THSD7A: variants seen among roughly 807,000 people sequenced by gnomAD.
THSD7A encodes the protein thrombospondin type-1 domain-containing protein 7A.
A neutral mutation model predicts 231.3 loss-of-function variants in THSD7A; 96 were observed. The ratio of observed to expected loss-of-function variants is 0.41; its 90% CI spans 0.35 to 0.49. The LOEUF (loss-of-function observed/expected upper bound fraction) is 0.49. Among genes scored for constraint, THSD7A ranks in the 20% least tolerant of loss-of-function variants. The probability of loss-of-function intolerance (pLI) is 0.05; values close to 1 mark genes in which losing one functional copy is unlikely to be tolerated. For synonymous variants in THSD7A, 940 were observed against 743.3 expected (o/e 1.26, Z -4.30); for missense variants, 2,290 against 2,070.2 (o/e 1.11, Z -2.06).
intron 1 of THSD7A, among the ~76,000 whole-genome samples, chr7:11,672,526 C>T (rs1783434939): frequency 6.6e-6 from 1 of 151,792 alleles, no homozygotes; most frequent in Admixed American, 6.6e-5. Context: ...ACATGTTTTG[C>T]ATATTTATGT....
chr7:11,720,052 C>T (rs773197763), intron 1 of THSD7A, among the ~76,000 whole-genome samples: 2 of 151,666 alleles, frequency 1.3e-5, no homozygotes, highest in Non-Finnish European at 2.9e-5. Context: ...GGCATGACTG[C>T]AAATAAGCAT....
chr7:11,594,824 GT>G (rs1780300734), intron 2 of THSD7A, among the ~76,000 whole-genome samples: 1 of 152,188 alleles, frequency 6.6e-6, no homozygotes, highest in African/African-American at 2.4e-5. Flanking sequence ...TATCATGTGA[GT>G]GGGTCATCTG....
intron 1 of THSD7A, among the ~76,000 whole-genome samples, chr7:11,653,448 ATGTGTGTGTGTGTG>A (rs60933989): frequency 2.7e-3 from 348 of 127,118 alleles, no homozygotes; most frequent in Middle Eastern, 0.013. Flanking sequence ...ACTCCCAGAT[ATGTGTGTGTGTGTG>A]TGTGTGTGTG....
chr7:11,570,592 C>T (rs1028530226), intron 4 of THSD7A, among the ~76,000 whole-genome samples: 5 of 152,204 alleles, frequency 3.3e-5, no homozygotes, highest in Non-Finnish European at 7.3e-5. Flanking sequence ...CAAAACATCA[C>T]AGTACCACAT....
At chr7:11,769,153 A>ATATTTTTTTTTTTTTTT in intron 1 of THSD7A, among the ~76,000 whole-genome samples, 2 of 27,662 alleles carry the variant, frequency 7.2e-5, no homozygotes, top group African/African-American at 1.2e-4. Context: ...ATATATATAT[A>ATATTTTTTTTTTTTTTT]TTTTTTTTTT....
chr7:11,493,391 C>A (rs1417286174), intron 6 of THSD7A, among the ~76,000 whole-genome samples: 1 of 152,104 alleles, frequency 6.6e-6, no homozygotes, highest in Non-Finnish European at 1.5e-5. Flanking sequence ...GTCTAGCTCA[C>A]ACGTTTCAAA....
intron 17 of THSD7A, 143 bp from the exon 18 acceptor site, chr7:11,412,943 T>C (rs984130476): frequency 4.9e-6 from 4 of 810,404 alleles, no homozygotes; most frequent in African/African-American, 1.7e-5. Flanking sequence ...TATGCCTCAG[T>C]TGTTCAATGT....
rs550545688 is a variant in THSD7A, at chr7:11,542,051, T to C, written c.1610-420A>G. On this transcript the variant is annotated intron_variant, in intron 5 of 27. Coordinates refer to ENST00000423059, the MANE Select transcript of THSD7A (RefSeq NM_015204.3). ...AGAAATACCGATGACCAGACAAAAG[T>C]GCTATTATTCTTAAATCTTCAGCAA... Among the ~76,000 whole-genome samples, 39 of 152,310 alleles carry C rather than the reference T, an allele frequency of 2.6e-4. No individual in the cohort carries two copies. The South Asian group carries it at 8.1e-3, about 32-fold the overall frequency.
intron 4 of THSD7A, among the ~76,000 whole-genome samples, chr7:11,561,293 G>A (rs1216325001): frequency 6.6e-6 from 1 of 152,160 alleles, no homozygotes; most frequent in Admixed American, 6.5e-5. Flanking sequence ...ATAATGTCAT[G>A]TAGTAACATA....
intron 2 of THSD7A, among the ~76,000 whole-genome samples, chr7:11,594,843 A>G (rs1396029829): frequency 1.3e-5 from 2 of 152,230 alleles, no homozygotes; most frequent in African/African-American, 4.8e-5. Flanking sequence ...CTGCAAGGAA[A>G]GATGCATGCA....
intron 1 of THSD7A, among the ~76,000 whole-genome samples, chr7:11,772,434 A>G (rs2355082): frequency 0.71 from 107,179 of 151,940 alleles, 38,202 homozygotes; most frequent in African/African-American, 0.8. Context: ...TATGTTCATC[A>G]CAGCACTATT....
At chr7:11,584,078 G>T (rs17164826) in intron 4 of THSD7A, among the ~76,000 whole-genome samples, 6,029 of 152,098 alleles carry the variant, frequency 0.04, 181 homozygotes, top group African/African-American at 0.085. Flanking sequence ...AAGTTTCTGT[G>T]TCATGCTCCT....
chr7:11,682,628 A>G (rs547111727), intron 1 of THSD7A, among the ~76,000 whole-genome samples: 494 of 152,244 alleles, frequency 3.2e-3, no homozygotes, highest in African/African-American at 0.011. Context: ...TAAACCTAAG[A>G]ATAGACATAG....
intron 1 of THSD7A, among the ~76,000 whole-genome samples, chr7:11,826,244 C>T (rs1435396343): frequency 6.6e-6 from 1 of 152,078 alleles, no homozygotes; most frequent in Non-Finnish European, 1.5e-5. Context: ...AAAATGCATA[C>T]CTGTAAATAC....
intron 1 of THSD7A, among the ~76,000 whole-genome samples, chr7:11,760,767 T>C (rs1475660539): frequency 1.3e-5 from 2 of 151,966 alleles, no homozygotes; most frequent in Non-Finnish European, 2.9e-5. Context: ...ATCAAAATAA[T>C]TACTTTTAAC....
intron 1 of THSD7A, among the ~76,000 whole-genome samples, chr7:11,747,225 T>C (rs2128163386): frequency 6.6e-6 from 1 of 152,126 alleles, no homozygotes; most frequent in South Asian, 2.1e-4. Context: ...TAATGCTTTG[T>C]ATCTTTAGCA....
chr7:11,441,556 C>G (rs1473864616), intron 13 of THSD7A, among the ~76,000 whole-genome samples: 1 of 152,042 alleles, frequency 6.6e-6, no homozygotes, highest in Non-Finnish European at 1.5e-5. Flanking sequence ...GCTCTCAATA[C>G]ATTTCTAATA....
intron 11 of THSD7A, among the ~76,000 whole-genome samples, chr7:11,454,084 G>A (rs2128296372): frequency 6.6e-6 from 1 of 151,994 alleles, no homozygotes; most frequent in South Asian, 2.1e-4. Flanking sequence ...GAAAATATAA[G>A]CTGTCTATTC....
At chr7:11,819,793 A>C (rs1216582689) in intron 1 of THSD7A, among the ~76,000 whole-genome samples, 1 of 152,186 alleles carries the variant, frequency 6.6e-6, no homozygotes, top group Non-Finnish European at 1.5e-5. Context: ...CCAAAGAGTG[A>C]ATCCTAATGT....
Sources: allele counts gnomAD v4.1 joint callset (sites outside exome capture counted in the v4.1 genomes callset), GRCh38; gene constraint gnomAD v4.1.1; transcripts MANE v1.5; gene names NCBI Gene and HGNC (gene_info 2026-07-23, HGNC 2026-07-21).